Variants in ARSB observed in about 807,000 individuals in gnomAD.
The protein encoded by ARSB is N-acetylgalactosamine-4-sulfatase.
Under a neutral mutation model 50.9 loss-of-function variants are expected in ARSB, and 41 were observed. The observed-to-expected ratio is 0.81, with a 90% CI of 0.63 to 1.04. The LOEUF (loss-of-function observed/expected upper bound fraction) is 1.04, where lower values mean the gene tolerates loss of function less well. Among genes scored for constraint, ARSB ranks in the 50% least tolerant of loss-of-function variants. ARSB has a pLI of 0.00. For synonymous variants in ARSB, 269 were observed against 284.8 expected (o/e 0.94, Z 0.56); for missense variants, 672 against 693.3 (o/e 0.97, Z 0.35).
At chr5:78,782,702 A>C (rs1419199723) in intron 6 of ARSB, among the ~76,000 whole-genome samples, 1 of 152,226 alleles carries the variant, frequency 6.6e-6, no homozygotes, top group African/African-American at 2.4e-5. Flanking sequence ...AGATGGAACA[A>C]AAAATACTGC....
chr5:78,819,232 A>G (rs1744119033), intron 6 of ARSB, among the ~76,000 whole-genome samples: 1 of 152,116 alleles, frequency 6.6e-6, no homozygotes, highest in Admixed American at 6.5e-5. Flanking sequence ...GTTGAAAGAA[A>G]GGGTAGGGGA....
At chr5:78,905,109 T>C (rs1360856841) in intron 4 of ARSB, among the ~76,000 whole-genome samples, 1 of 152,258 alleles carries the variant, frequency 6.6e-6, no homozygotes, top group African/African-American at 2.4e-5. Context: ...TTTTCAGTTC[T>C]ATAATTTTCA....
intron 1 of ARSB, among the ~76,000 whole-genome samples, chr5:78,983,994 T>A (rs747205121): frequency 4.6e-5 from 7 of 152,184 alleles, no homozygotes; most frequent in African/African-American, 1.2e-4. Context: ...CATAATAACT[T>A]CAGGGTCTTA....
intron 3 of ARSB, among the ~76,000 whole-genome samples, chr5:78,964,153 G>T (rs1417560086): frequency 2.6e-5 from 4 of 152,124 alleles, no homozygotes; most frequent in African/African-American, 9.7e-5. Flanking sequence ...CCACTCTTAA[G>T]AATCACCTTT....
intron 4 of ARSB, among the ~76,000 whole-genome samples, chr5:78,920,551 G>A (rs1749758852): frequency 6.6e-6 from 1 of 152,134 alleles, no homozygotes; most frequent in Non-Finnish European, 1.5e-5. Context: ...TACCCTGCTA[G>A]CCACAGGCCA....
At chr5:78,937,447 CTT>C (rs1292279496) in intron 4 of ARSB, among the ~76,000 whole-genome samples, 1 of 139,874 alleles carries the variant, frequency 7.1e-6, no homozygotes, top group African/African-American at 2.7e-5. Flanking sequence ...ATATATATAT[CTT>C]ATATATATAA....
In ARSB at chr5:78,777,516, A is replaced by C. The variant is rs1336170008; in HGVS notation, c.*2881T>G. On this transcript the variant is annotated 3_prime_UTR_variant, in exon 8 of 8. Coordinates refer to ENST00000264914, the MANE Select transcript of ARSB (RefSeq NM_000046.5). ...AAATCTGGGGGGACAAAAGTAACAA[A>C]GAAAAATGAGCTCACAATTAAATAA... is the stretch of plus-strand genomic sequence containing the variant. The C allele has an allele frequency of 6.6e-6, 1 of 152,598 alleles. No homozygotes were observed. Among genetic ancestry groups the C allele is most frequent in the African/African-American group, 2.4e-5 (1 of 41,444 alleles). 9.5% of individuals were successfully genotyped at this position (152,598 alleles called of 1,614,324 possible).
At chr5:78,887,321 T>C (rs908090978) in intron 4 of ARSB, among the ~76,000 whole-genome samples, 2 of 152,092 alleles carry the variant, frequency 1.3e-5, no homozygotes, top group African/African-American at 4.8e-5. Flanking sequence ...CCTCACTTTA[T>C]AACAACCCAC....
chr5:78,985,763 C>T (rs968071546), upstream of ARSB: 1 of 152,226 alleles, frequency 6.6e-6, no homozygotes, highest in African/African-American at 2.4e-5. Context: ...TCATTTCTAG[C>T]ACAAGAGCCC....
At chr5:78,973,243 T>G (rs949899152) in intron 1 of ARSB, among the ~76,000 whole-genome samples, 6 of 152,242 alleles carry the variant, frequency 3.9e-5, no homozygotes, top group African/African-American at 1.4e-4. Flanking sequence ...GAAGTGTGTG[T>G]GAATGGAGAA....
chr5:78,938,680 C>G (rs1750748023), intron 4 of ARSB, among the ~76,000 whole-genome samples: 1 of 152,148 alleles, frequency 6.6e-6, no homozygotes, highest in Non-Finnish European at 1.5e-5. Flanking sequence ...TGAATGAGCT[C>G]TCTCTTTGCC....
chr5:78,910,369 TAAG>T (rs1449942021), intron 4 of ARSB, among the ~76,000 whole-genome samples: 4 of 152,168 alleles, frequency 2.6e-5, no homozygotes, highest in African/African-American at 4.8e-5. Context: ...CTTCATAAAG[TAAG>T]AAGAATGTCA....
chr5:78,872,974 A>C (rs979604345), intron 5 of ARSB, among the ~76,000 whole-genome samples: 2 of 152,158 alleles, frequency 1.3e-5, no homozygotes, highest in East Asian at 3.8e-4. Flanking sequence ...ACGCCAACAT[A>C]CATAAACGTG....
Position 78,888,010 on chromosome 5 carries a change from C to T in ARSB, c.899-2183G>A, listed in dbSNP as rs537354857. On this transcript the variant is annotated intron_variant, in intron 4 of 7. Transcript: ENST00000264914. ...ACTGCCAAGGAAACTTTTGGTGGCG[C>T]CCTTAACACACCAGTTCTCAGTTCT... Among the ~76,000 whole-genome samples the T allele has an allele frequency of 4.3e-4, 66 of 152,288 alleles. 1 individual carries two copies. The South Asian group carries it at 0.014, about 32-fold the overall frequency.
chr5:78,825,938 C>T (rs1744415671), intron 6 of ARSB, among the ~76,000 whole-genome samples: 2 of 152,184 alleles, frequency 1.3e-5, no homozygotes, highest in African/African-American at 4.8e-5. Context: ...TTACGTCTCA[C>T]TTTACAAACA....
At chr5:78,952,693 C>T (rs1392921262) in intron 4 of ARSB, among the ~76,000 whole-genome samples, 3 of 152,188 alleles carry the variant, frequency 2.0e-5, no homozygotes, top group Non-Finnish European at 4.4e-5. Flanking sequence ...ATATTTAATA[C>T]AGTCTTCCAG....
chr5:78,799,869 G>A (rs1307649143), intron 6 of ARSB, among the ~76,000 whole-genome samples: 1 of 152,184 alleles, frequency 6.6e-6, no homozygotes, highest in Non-Finnish European at 1.5e-5. Flanking sequence ...TGGATAGAAG[G>A]GAAAATTGGA....
chr5:78,967,956 G>T (rs1752275126), intron 2 of ARSB, among the ~76,000 whole-genome samples: 1 of 152,130 alleles, frequency 6.6e-6, no homozygotes, highest in African/African-American at 2.4e-5. Context: ...TATAGCTACT[G>T]GCAAGATACA....
chr5:78,787,625 T>C (rs1749128564), intron 6 of ARSB, among the ~76,000 whole-genome samples: 1 of 152,134 alleles, frequency 6.6e-6, no homozygotes, highest in Admixed American at 6.5e-5. Context: ...GCCAAGATAT[T>C]TGGTGACAAA....
Sources: gnomAD v4.1 joint callset for allele counts (sites outside exome capture counted in the v4.1 genomes callset) on GRCh38, gnomAD v4.1.1 for gene constraint, MANE v1.5 for transcripts, NCBI Gene and HGNC (gene_info 2026-07-23, HGNC 2026-07-21) for gene names.